Variants in MALRD1 observed in about 807,000 individuals in gnomAD.
The protein encoded by MALRD1 is MAM and LDL-receptor class A domain-containing protein 1.
In MALRD1, 247 loss-of-function variants were observed where a neutral mutation model predicts 242.1. That is an observed-to-expected ratio of 1.02 (90% CI 0.92 to 1.13). The LOEUF (loss-of-function observed/expected upper bound fraction) is 1.13. Among genes scored for constraint, MALRD1 ranks in the 50% most tolerant of loss-of-function variants. The pLI, the probability that MALRD1 is intolerant of heterozygous loss-of-function variation, is 0.00. For missense variants in MALRD1, 2,989 were observed against 2,533.1 expected (o/e 1.18, Z -3.86); for synonymous variants, 995 against 866.6 (o/e 1.15, Z -2.60).
At chr10:19,558,912 G>T (rs574502882) in intron 32 of MALRD1, among the ~76,000 whole-genome samples, 1 of 151,836 alleles carries the variant, frequency 6.6e-6, no homozygotes, top group African/African-American at 2.4e-5. Flanking sequence ...GGCTGGGTGC[G>T]GTGGCTCACA....
At chr10:19,643,557 A>T (rs921079164) in intron 36 of MALRD1, among the ~76,000 whole-genome samples, 1 of 152,244 alleles carries the variant, frequency 6.6e-6, no homozygotes, top group Admixed American at 6.5e-5. Context: ...ACATAATTTT[A>T]TAATAGACGC....
At chr10:19,332,414 A>T (rs1843417487) in intron 24 of MALRD1, among the ~76,000 whole-genome samples, 1 of 152,126 alleles carries the variant, frequency 6.6e-6, no homozygotes, top group Admixed American at 6.5e-5. Context: ...AAGGAGATCA[A>T]CTCATAATGA....
chr10:19,503,493 C>T (rs776249702), intron 31 of MALRD1, among the ~76,000 whole-genome samples: 1 of 152,136 alleles, frequency 6.6e-6, no homozygotes, highest in Non-Finnish European at 1.5e-5. Flanking sequence ...AAACAACAAA[C>T]ATCAGTCGAC....
chr10:19,585,601 A>T (rs530339748), intron 33 of MALRD1, among the ~76,000 whole-genome samples: 1 of 152,134 alleles, frequency 6.6e-6, no homozygotes, highest in South Asian at 2.1e-4. Context: ...ATCTGCTGTT[A>T]TTCTGATGGG....
At chr10:19,606,540 T>C (rs1451160435) in intron 34 of MALRD1, among the ~76,000 whole-genome samples, 1 of 152,136 alleles carries the variant, frequency 6.6e-6, no homozygotes, top group African/African-American at 2.4e-5. Flanking sequence ...ACCATTATTA[T>C]TTAGTGCTTT....
intron 36 of MALRD1, among the ~76,000 whole-genome samples, chr10:19,689,634 T>G (rs1293939881): frequency 6.6e-6 from 1 of 152,108 alleles, no homozygotes; most frequent in Non-Finnish European, 1.5e-5. Flanking sequence ...ATTGAAAAAA[T>G]TATCTTATAC....
intron 35 of MALRD1, among the ~76,000 whole-genome samples, chr10:19,615,378 T>G (rs1486103357): frequency 6.7e-6 from 1 of 149,402 alleles, no homozygotes; most frequent in Non-Finnish European, 1.5e-5. Flanking sequence ...ATTAGGCAAG[T>G]GTAGTAGTGT....
At chr10:19,506,973 G>T (rs894402987) in intron 31 of MALRD1, among the ~76,000 whole-genome samples, 2 of 152,076 alleles carry the variant, frequency 1.3e-5, no homozygotes, top group African/African-American at 2.4e-5. Flanking sequence ...GCCAACATCT[G>T]CTTGGCTTCT....
rs543507967 is a variant in MALRD1 at position 19,418,432 on chromosome 10, G to A, written c.4845+28823G>A. Among the ~76,000 whole-genome samples, 12 of 152,154 alleles carry A rather than the reference G, an allele frequency of 7.9e-5. No homozygotes were observed. The East Asian group carries it at 2.1e-3, about 27-fold the overall frequency. ...TTTCAGCATACGTTTTTTGGAGATT[G>A]AGATTAAGGTTTTATTCATCTTTAA... On this transcript the variant is annotated intron_variant, in intron 28 of 39. Coordinates refer to ENST00000454679, the MANE Select transcript of MALRD1 (RefSeq NM_001142308.3).
chr10:19,407,535 A>G (rs1833083097), intron 28 of MALRD1, among the ~76,000 whole-genome samples: 1 of 151,978 alleles, frequency 6.6e-6, no homozygotes, highest in Non-Finnish European at 1.5e-5. Flanking sequence ...TTGCTAAAGC[A>G]TAGACAAATT....
At position 19,129,504 on chromosome 10, in the gene MALRD1, G is replaced by A. The variant is rs1016278653; in HGVS notation, c.1110+1117G>A. 2.6e-5 allele frequency among the ~76,000 whole-genome samples: 4 copies of A among 151,912 alleles called. No individual in the cohort carries two copies. In the East Asian group the frequency reaches 7.7e-4, roughly 29 times the overall value. On this transcript the variant is annotated intron_variant, in intron 8 of 39. Coordinates refer to ENST00000454679, the MANE Select transcript of MALRD1 (RefSeq NM_001142308.3). ...CCTGTACTTCAGGAATTTGTATAGAGGATTTGTCACATAGGTATGATCATT... is the reference window on the plus strand; with the variant it reads ...CCTGTACTTCAGGAATTTGTATAGAAGATTTGTCACATAGGTATGATCATT...
At chr10:19,553,678 A>G (rs1835592012) in intron 32 of MALRD1, among the ~76,000 whole-genome samples, 1 of 152,156 alleles carries the variant, frequency 6.6e-6, no homozygotes, top group Non-Finnish European at 1.5e-5. Flanking sequence ...CTCTGAGCAT[A>G]TGTATTTAAA....
In MALRD1 at chr10:19,345,173, A is replaced by G. The variant is rs187602186; in HGVS notation, c.3902-2598A>G. Among the ~76,000 whole-genome samples, 108 of 152,296 alleles carry G rather than the reference A, an allele frequency of 7.1e-4. 1 individual carries two copies. The highest frequency in any genetic ancestry group is 1.2e-3 in the Non-Finnish European group (81 of 68,016). On this transcript the variant is annotated intron_variant, in intron 24 of 39. Coordinates refer to ENST00000454679, the MANE Select transcript of MALRD1 (RefSeq NM_001142308.3). Reference sequence around the variant, plus strand: ...TGGTATATTAGAAATAAACTTTCCAAGGAAACATAACTTCAAAACAAGGGA... The same window carrying G: ...TGGTATATTAGAAATAAACTTTCCAGGGAAACATAACTTCAAAACAAGGGA...
At chr10:19,276,580 A>G (rs948593390) in intron 19 of MALRD1, among the ~76,000 whole-genome samples, 2 of 152,126 alleles carry the variant, frequency 1.3e-5, no homozygotes, top group Non-Finnish European at 2.9e-5. Flanking sequence ...AGGCTAGCGA[A>G]TTTTTCTTTC....
intron 38 of MALRD1, among the ~76,000 whole-genome samples, chr10:19,694,629 T>G (rs79250302): frequency 0.037 from 5,698 of 152,330 alleles, 159 homozygotes; most frequent in South Asian, 0.057. Flanking sequence ...TTGGTGGGAC[T>G]GTAAACTAGT....
intron 18 of MALRD1, among the ~76,000 whole-genome samples, chr10:19,232,372 T>G (rs1212598311): frequency 6.6e-6 from 1 of 151,658 alleles, no homozygotes; most frequent in African/African-American, 2.4e-5. Context: ...GAGATGGGGT[T>G]TCAGCATGTG....
In MALRD1 at chr10:19,331,439, A is replaced by G. The variant is rs1588922290; in HGVS notation, c.3758A>G (p.Asp1253Gly). ...DVAVDDISFQ[D>G]CSPLLSPERK... ...GCAGTGGATGATATTTCCTTCCAAG[A>G]TTGCTCCCCTTTGCTTAGCCCAGAG... The change falls in exon 24 of 40, where the codon GAT becomes GGT. Residue 1253 changes from aspartate to glycine, a missense_variant. Transcript: ENST00000454679. The G allele has an allele frequency of 1.9e-6, 3 of 1,550,392 alleles. No homozygotes were observed. In the African/African-American group the frequency reaches 4.1e-5, roughly 21 times the overall value.
intron 32 of MALRD1, among the ~76,000 whole-genome samples, chr10:19,565,474 C>A (rs1836211199): frequency 1.3e-5 from 2 of 152,078 alleles, no homozygotes; most frequent in Admixed American, 6.6e-5. Context: ...AAAGCCATTT[C>A]TTTTTAAGTT....
Position 19,567,491 on chromosome 10 carries a change from G to A in MALRD1, c.5479-11G>A. The stretch of plus-strand genomic sequence containing the variant: ...CAATCATAAAAAGTTATTTTTTAAT[G>A]ATTTTTAAAGGTGTATACCATTGAA... On this transcript the variant is annotated splice_polypyrimidine_tract_variant and intron_variant, in intron 32 of 39. Transcript: ENST00000454679. 6.5e-7 allele frequency: 1 copy of A among 1,545,434 alleles called. No individual in the cohort carries two copies. The highest frequency in any genetic ancestry group is 1.2e-5 in the South Asian group (1 of 82,856).
Sources: gnomAD v4.1 joint callset for allele counts (sites outside exome capture counted in the v4.1 genomes callset) on GRCh38, gnomAD v4.1.1 for gene constraint, MANE v1.5 for transcripts, NCBI Gene and HGNC (gene_info 2026-07-23, HGNC 2026-07-21) for gene names.